The following SH3PXD2A variants were observed in gnomAD, a reference collection of about 807,000 sequenced individuals.
SH3PXD2A encodes SH3 and PX domains 2A.
SH3PXD2A carries 32 observed loss-of-function variants against 115.2 expected under a neutral mutation model. The observed-to-expected ratio is 0.28, with a 90% confidence interval of 0.21 to 0.37. The LOEUF (loss-of-function observed/expected upper bound fraction) is 0.37, where lower values mean the gene tolerates loss of function less well. Ranked by LOEUF, SH3PXD2A falls within the 10% of genes least tolerant of loss-of-function variation. The pLI, the probability that SH3PXD2A is intolerant of heterozygous loss-of-function variation, is 1.00. For synonymous variants in SH3PXD2A, 610 were observed against 629.1 expected (o/e 0.97, Z 0.45); for missense variants, 1,328 against 1,498.7 (o/e 0.89, Z 1.88).
In SH3PXD2A at chr10:103,603,414, G is replaced by A. The variant is rs140108315; in HGVS notation, c.1804C>T (p.Arg602Cys). 3.0e-5 allele frequency: 48 copies of A among 1,614,058 alleles called. No homozygotes were observed. The highest frequency in any genetic ancestry group is 1.3e-4 in the African/African-American group (10 of 75,058). ...TCTGAAGACTCACCCACCTTGAAGC[G>A]GGCCCGCTGCAGAGAAGAGGCCGGC... is the stretch of plus-strand genomic sequence containing the variant. ...PSPASSLQRA[R>C]FKVGESSEDV... The change falls in exon 15 of 15, where the codon CGC (arginine) becomes TGC (cysteine). Residue 602 changes from arginine (R) to cysteine (C), a missense_variant. Around this residue, in one of 5 missense-constraint regions of SH3PXD2A, gnomAD observed 509 missense variants for 628.3 expected, o/e 0.81. Coordinates refer to ENST00000369774, the MANE Select transcript of SH3PXD2A (RefSeq NM_001394015.1).
intron 13 of SH3PXD2A, among the ~76,000 whole-genome samples, chr10:103,608,200 AG>A (rs2036362841): frequency 6.8e-6 from 1 of 146,968 alleles, no homozygotes; most frequent in Non-Finnish European, 1.5e-5. Flanking sequence ...ACCCACCAGC[AG>A]GGAGAACACC....
intron 11 of SH3PXD2A, among the ~76,000 whole-genome samples, chr10:103,616,810 T>A (rs1445516236): frequency 6.7e-6 from 1 of 149,360 alleles, no homozygotes; most frequent in Non-Finnish European, 1.5e-5. Context: ...CAGCAAGGCC[T>A]GCGGACGCCA....
rs1305961804 is a variant in SH3PXD2A at position 103,602,456 on chromosome 10, C to T, written c.2762G>A (p.Gly921Asp). ...GATCTTCTCCAGGCTGTCTGATTTG[C>T]CTTCGTTCTGCCTGCCCTTGGCGGG... ...TVPAKGRQNEGKSDSLEKIER... is the reference protein window; with the variant it reads ...TVPAKGRQNEDKSDSLEKIER... Residue 921 changes from glycine (G) to aspartate (D), a missense_variant, in exon 15 of 15, where the codon GGC becomes GAC. By Grantham distance (94) the Gly-to-Asp change is moderately conservative. This residue lies in a region of SH3PXD2A where 574 missense variants were observed against 565.7 expected (regional missense o/e 1.01). Coordinates refer to ENST00000369774, the MANE Select transcript of SH3PXD2A (RefSeq NM_001394015.1). 3 of 1,614,006 alleles carry T rather than the reference C, an allele frequency of 1.9e-6. No homozygotes were observed. In the African/African-American group the frequency reaches 4.0e-5, roughly 22 times the overall value.
At chr10:103,776,622 G>T (rs1170471355) in intron 2 of SH3PXD2A, among the ~76,000 whole-genome samples, 3 of 152,052 alleles carry the variant, frequency 2.0e-5, no homozygotes, top group Admixed American at 1.3e-4. Context: ...GTGAGAGAGG[G>T]TCTGTCCCAT....
intron 5 of SH3PXD2A, among the ~76,000 whole-genome samples, chr10:103,713,875 C>T (rs2134159904): frequency 2.6e-5 from 4 of 152,312 alleles, no homozygotes; most frequent in Admixed American, 2.6e-4. Flanking sequence ...GCAAGCCAGG[C>T]CCATGCCATG....
intron 8 of SH3PXD2A, among the ~76,000 whole-genome samples, chr10:103,628,637 G>A (rs571732021): frequency 6.6e-6 from 1 of 152,094 alleles, no homozygotes; most frequent in Non-Finnish European, 1.5e-5. Flanking sequence ...GATCACTTCC[G>A]GAGAACCCCC....
In SH3PXD2A at chr10:103,622,536, C is replaced by T. The variant is rs1592267709; in HGVS notation, c.736G>A (p.Ala246Thr). 6.5e-7 allele frequency: 1 copy of T among 1,550,202 alleles called. No homozygotes were observed. ...KTGEVSKRRKAHLRRLDRRWT... is the reference protein window; with the variant it reads ...KTGEVSKRRKTHLRRLDRRWT... ...CGGCGATCCAGGCGCCGCAGATGGGCCTTGCGTCTCTTGGACACTGGTGTG... is the reference window on the plus strand; with the variant it reads ...CGGCGATCCAGGCGCCGCAGATGGGTCTTGCGTCTCTTGGACACTGGTGTG... Residue 246 changes from alanine (A) to threonine (T), a missense_variant, in exon 10 of 15, where the codon GCC becomes ACC. By Grantham distance (58) the Ala-to-Thr change is moderately conservative. Transcript: ENST00000369774.
chr10:103,630,105 A>G (rs1040933231), intron 8 of SH3PXD2A, among the ~76,000 whole-genome samples: 5 of 152,206 alleles, frequency 3.3e-5, no homozygotes, highest in Non-Finnish European at 5.9e-5. Flanking sequence ...GAGCACTGAG[A>G]GGGCTGCCTG....
At chr10:103,647,689 A>C (rs145624313) in intron 8 of SH3PXD2A, among the ~76,000 whole-genome samples, 2 of 152,314 alleles carry the variant, frequency 1.3e-5, no homozygotes, top group East Asian at 3.9e-4. Flanking sequence ...TGCAAAGCCC[A>C]GGTGCCGAGG....
chr10:103,855,139 G>T, intron 1 of SH3PXD2A, 56 bp downstream of exon 1: 2 of 1,339,916 alleles, frequency 1.5e-6, no homozygotes, highest in South Asian at 1.4e-5. Flanking sequence ...GGGCCATCCG[G>T]GGCCCTCCCG....
intron 6 of SH3PXD2A, among the ~76,000 whole-genome samples, chr10:103,688,847 T>TTCCC (rs992717496): frequency 6.6e-6 from 1 of 152,070 alleles, no homozygotes; most frequent in Non-Finnish European, 1.5e-5. Flanking sequence ...CTTTCCCTTC[T>TTCCC]TCCCTCCCTC....
At chr10:103,770,064 A>T (rs1339295302) in intron 2 of SH3PXD2A, among the ~76,000 whole-genome samples, 2 of 152,194 alleles carry the variant, frequency 1.3e-5, no homozygotes, top group African/African-American at 4.8e-5. Flanking sequence ...ACTAAGAATC[A>T]CTCATAATCT....
At chr10:103,660,945 C>G (rs2037288379) in intron 8 of SH3PXD2A, 38 bp downstream of exon 8, 1 of 1,610,702 alleles carries the variant, frequency 6.2e-7, no homozygotes, top group Non-Finnish European at 8.5e-7. Flanking sequence ...GGGGCCAGAC[C>G]GGAACCCCAG....
intron 13 of SH3PXD2A, among the ~76,000 whole-genome samples, chr10:103,608,446 A>AAAAAG (rs1428628636): frequency 2.0e-5 from 3 of 150,448 alleles, no homozygotes; most frequent in African/African-American, 7.3e-5. Context: ...AAAAAAAAAA[A>AAAAAG]AAAAGAAAAA....
chr10:103,846,937 T>G (rs564886322), intron 1 of SH3PXD2A, among the ~76,000 whole-genome samples: 2 of 152,356 alleles, frequency 1.3e-5, no homozygotes, highest in East Asian at 3.9e-4. Context: ...GCCTTTGTGC[T>G]GTCACCTGTA....
intron 9 of SH3PXD2A, among the ~76,000 whole-genome samples, chr10:103,623,502 C>A (rs955651604): frequency 1.3e-5 from 2 of 152,064 alleles, no homozygotes; most frequent in Non-Finnish European, 2.9e-5. Context: ...GCCAGGCTGC[C>A]CGGGTCTGGG....
At chr10:103,794,742 G>A (rs1157860672) in intron 2 of SH3PXD2A, among the ~76,000 whole-genome samples, 1 of 152,184 alleles carries the variant, frequency 6.6e-6, no homozygotes, top group African/African-American at 2.4e-5. Flanking sequence ...GCTGAGTGGT[G>A]AGTTATTTTT....
chr10:103,612,547 A>G, intron 12 of SH3PXD2A, among the ~76,000 whole-genome samples: 1 of 152,228 alleles, frequency 6.6e-6, no homozygotes, highest in Non-Finnish European at 1.5e-5. Context: ...TTGCTCTTGG[A>G]ACGCGTGTAT....
At chr10:103,721,110 C>T (rs781071482) in intron 5 of SH3PXD2A, among the ~76,000 whole-genome samples, 12 of 152,200 alleles carry the variant, frequency 7.9e-5, no homozygotes, top group Non-Finnish European at 1.3e-4. Flanking sequence ...GCTTCACAGC[C>T]CCTCCCTGCA....
Sources: gnomAD v4.1 joint callset for allele counts (sites outside exome capture counted in the v4.1 genomes callset) on GRCh38, gnomAD v4.1.1 for gene constraint, gnomAD v4.1.1 regional missense constraint, MANE v1.5 for transcripts, NCBI Gene and HGNC (gene_info 2026-07-23, HGNC 2026-07-21) for gene names.